Variants in ZNF554 observed in about 807,000 individuals in gnomAD.
ZNF554 encodes the protein zinc finger protein 554.
In ZNF554, 15 loss-of-function variants were observed where a neutral mutation model predicts 21.2. The ratio of observed to expected loss-of-function variants is 0.71; its 90% CI spans 0.47 to 1.09. The LOEUF is 1.09. Ranked by LOEUF, ZNF554 falls within the 50% of genes least tolerant of loss-of-function variation. The pLI is 0.00. For synonymous variants in ZNF554, 258 were observed against 251.4 expected (o/e 1.03, Z -0.25); for missense variants, 691 against 662.7 (o/e 1.04, Z -0.47).
intron 3 of ZNF554, among the ~76,000 whole-genome samples, chr19:2,828,603 G>T (rs992549782): frequency 6.6e-6 from 1 of 151,786 alleles, no homozygotes; most frequent in Non-Finnish European, 1.5e-5. Context: ...GGAGGCAGAG[G>T]TTGCAGGGTT....
intron 3 of ZNF554, among the ~76,000 whole-genome samples, chr19:2,828,182 G>T (rs1402222249): frequency 1.3e-5 from 2 of 152,188 alleles, no homozygotes; most frequent in African/African-American, 4.8e-5. Flanking sequence ...GCACCATGCT[G>T]GGAATGGGGG....
chr19:2,824,815 T>C (rs2087308625), intron 2 of ZNF554, among the ~76,000 whole-genome samples: 1 of 152,030 alleles, frequency 6.6e-6, no homozygotes, highest in African/African-American at 2.4e-5. Context: ...CTTCCTCCTC[T>C]TCCCAAACTG....
chr19:2,831,929 A>AT (rs1011556176), intron 3 of ZNF554: 171 of 155,830 alleles, frequency 1.1e-3, no homozygotes, highest in South Asian at 3.9e-3. Context: ...CAGATCTGTA[A>AT]TTTTTTTTTT....
intron 2 of ZNF554, among the ~76,000 whole-genome samples, chr19:2,826,806 C>T (rs748660919): frequency 8.6e-5 from 13 of 152,038 alleles, no homozygotes; most frequent in Non-Finnish European, 1.3e-4. Flanking sequence ...GGACTACAGG[C>T]GCCCGCCATC....
In ZNF554 at chr19:2,836,248, CG is replaced by C. The variant is rs2087495554; in HGVS notation, c.*1399del. Among the ~76,000 whole-genome samples, 1 of 149,906 alleles carries C rather than the reference CG, an allele frequency of 6.7e-6. No homozygotes were observed. The highest frequency in any genetic ancestry group is 6.7e-5 in the Admixed American group (1 of 14,924). ...GGTGTGAGCCACCGTGCTGGGATTA[CG>C]GGCGTGAGCCACTGTGCTGGGATTA... On this transcript the variant is annotated 3_prime_UTR_variant, in exon 5 of 5. Coordinates refer to ENST00000317243, the MANE Select transcript of ZNF554 (RefSeq NM_001102651.2).
Position 2,834,082 on chromosome 19 carries a change from C to T in ZNF554, c.847C>T (p.Arg283Cys), listed in dbSNP as rs199971983. Residue 283 changes from arginine (R) to cysteine (C), a missense_variant, in exon 5 of 5, where the codon CGC (arginine) becomes TGC (cysteine). By Grantham distance (180) the Arg-to-Cys change is radical. Transcript: ENST00000317243. ...AAGTAATGAATGTGGAAATGCCATC[C>T]GCCAGAACAGTCACTTTATTCAACA... Reference protein sequence around the residue: ...CESNECGNAIRQNSHFIQHGG... With the variant: ...CESNECGNAICQNSHFIQHGG... 4.9e-5 allele frequency: 79 copies of T among 1,613,974 alleles called. 1 individual carries two copies. The highest frequency in any genetic ancestry group is 2.3e-4 in the African/African-American group (17 of 74,974).
intron 1 of ZNF554, among the ~76,000 whole-genome samples, chr19:2,822,401 C>T (rs1419616840): frequency 6.6e-6 from 1 of 152,164 alleles, no homozygotes; most frequent in African/African-American, 2.4e-5. Flanking sequence ...ACCTTGATCT[C>T]AGACTTCCAG....
intron 2 of ZNF554, among the ~76,000 whole-genome samples, chr19:2,824,451 C>A (rs1348685480): frequency 6.6e-6 from 1 of 152,228 alleles, no homozygotes; most frequent in Non-Finnish European, 1.5e-5. Context: ...ATGATGGCAT[C>A]AGCCACTGCC....
chr19:2,828,862 C>T (rs1244619061), intron 3 of ZNF554, among the ~76,000 whole-genome samples: 1 of 151,974 alleles, frequency 6.6e-6, no homozygotes, highest in Non-Finnish European at 1.5e-5. Context: ...AACTCACTAT[C>T]ACGAGAACAG....
chr19:2,828,943 T>C (rs1260521038), intron 3 of ZNF554, among the ~76,000 whole-genome samples: 1 of 152,040 alleles, frequency 6.6e-6, no homozygotes, highest in Non-Finnish European at 1.5e-5. Context: ...GGGATTACGA[T>C]TGGAGATTAC....
Position 2,834,096 on chromosome 19 carries a change from C to G in ZNF554, c.861C>G (p.His287Gln). Reference sequence around the variant, plus strand: ...GAAATGCCATCCGCCAGAACAGTCACTTTATTCAACACGGGGGGAAGATGT... The same window carrying G: ...GAAATGCCATCCGCCAGAACAGTCAGTTTATTCAACACGGGGGGAAGATGT... The part of the protein sequence containing the change: ...ECGNAIRQNS[H>Q]FIQHGGKMFV... Residue 287 changes from histidine (H) to glutamine (Q), a missense_variant, in exon 5 of 5, where the codon CAC (histidine) becomes CAG (glutamine). His to Gln is a conservative substitution (Grantham distance 24). Coordinates refer to ENST00000317243, the MANE Select transcript of ZNF554 (RefSeq NM_001102651.2). 1.2e-6 allele frequency: 2 copies of G among 1,614,052 alleles called. No homozygotes were observed. Among genetic ancestry groups the G allele is most frequent in the Non-Finnish European group, 8.5e-7 (1 of 1,180,034 alleles).
At position 2,832,460 on chromosome 19, in the gene ZNF554, A is replaced by C. The variant is rs375429310; in HGVS notation, c.411A>C (p.Ile137=). 1 of 1,611,216 alleles carries C rather than the reference A, an allele frequency of 6.2e-7. No individual in the cohort carries two copies. The highest frequency in any genetic ancestry group is 1.7e-5 in the Admixed American group (1 of 59,080). ...TGGAGCAAAGAGAAGCCCTGTGGAT[A>C]GAGGAAAAAGGAACTCCTCAAGCCT... ...SHLEQREALW[I]EEKGTPQASC... Residue 137 remains isoleucine (I), a synonymous_variant, in exon 4 of 5, where the codon ATA becomes ATC. Transcript: ENST00000317243.
In ZNF554 at chr19:2,820,089, C is replaced by A; in HGVS notation, c.18C>A (p.His6Gln). MVTCA[H>Q]LGRRARLPAA... ...GCGCCCCGATGGTCACCTGCGCCCA[C>A]CTGGGCCGGCGCGCGCGGCTCCCGG... is the stretch of plus-strand genomic sequence containing the variant. The change falls in exon 1 of 5, where the codon CAC becomes CAA. Residue 6 changes from histidine (H) to glutamine (Q), a missense_variant. Coordinates refer to ENST00000317243, the MANE Select transcript of ZNF554 (RefSeq NM_001102651.2). 1 of 1,215,886 alleles carries A rather than the reference C, an allele frequency of 8.2e-7. No homozygotes were observed. 75.3% of individuals were successfully genotyped at this position (1,215,886 alleles called of 1,614,324 possible).
chr19:2,835,004 G>T lies in ZNF554; in HGVS notation c.*152G>T. 1.4e-6 allele frequency: 1 copy of T among 733,118 alleles called. No homozygotes were observed. Among genetic ancestry groups the T allele is most frequent in the Non-Finnish European group, 2.2e-6 (1 of 463,440 alleles). 45.4% of individuals were successfully genotyped at this position (733,118 alleles called of 1,614,324 possible). A position where few individuals can be genotyped will look rare whatever the true frequency, so the allele number is the denominator to read the frequency against. ...GAAAGCTCTGAGAATGGGCATTTTT[G>T]TATTTTGTTGTTGTTGTTGAGATGG... On this transcript the variant is annotated 3_prime_UTR_variant, in exon 5 of 5. Transcript: ENST00000317243.
chr19:2,822,014 C>T (rs548466511), intron 1 of ZNF554, among the ~76,000 whole-genome samples: 44 of 152,052 alleles, frequency 2.9e-4, no homozygotes, highest in Admixed American at 5.2e-4. Context: ...CTGGAAGAGG[C>T]GGAAGGATTT....
chr19:2,824,389 A>G (rs2087301680), intron 2 of ZNF554, among the ~76,000 whole-genome samples: 1 of 152,186 alleles, frequency 6.6e-6, no homozygotes, highest in Non-Finnish European at 1.5e-5. Flanking sequence ...CGGGGCTCCC[A>G]CTAGCTCCAT....
At chr19:2,832,245 C>G in intron 3 of ZNF554, 58 bp from the exon 4 acceptor site, 2 of 1,488,966 alleles carry the variant, frequency 1.3e-6, no homozygotes, top group Non-Finnish European at 1.8e-6. Flanking sequence ...AATTTTTTAA[C>G]TAGAAAATAA....
rs543775552 is a variant in ZNF554, at chr19:2,836,280, G to A, written c.*1428G>A. ...GAGCCACTGTGCTGGGATTACGGGC[G>A]CGAGCCACTGTGCTGGGATTACAGG... is the stretch of plus-strand genomic sequence containing the variant. On this transcript the variant is annotated 3_prime_UTR_variant, in exon 5 of 5. Transcript: ENST00000317243. Among the ~76,000 whole-genome samples, 44 of 151,848 alleles carry A rather than the reference G, an allele frequency of 2.9e-4. 1 individual carries two copies. The highest frequency in any genetic ancestry group is 4.6e-4 in the Non-Finnish European group (31 of 67,940).
intron 1 of ZNF554, among the ~76,000 whole-genome samples, chr19:2,820,504 C>T (rs1266305661): frequency 6.6e-6 from 1 of 152,070 alleles, no homozygotes; most frequent in African/African-American, 2.4e-5. Context: ...TGTCTGGGGA[C>T]GTCTGTGGTT....
Sources: gnomAD v4.1 joint callset for allele counts (sites outside exome capture counted in the v4.1 genomes callset) on GRCh38, gnomAD v4.1.1 for gene constraint, MANE v1.5 for transcripts, NCBI Gene and HGNC (gene_info 2026-07-23, HGNC 2026-07-21) for gene names.